Variants in NRG2 observed in about 807,000 individuals in gnomAD.
The protein encoded by NRG2 is pro-neuregulin-2, membrane-bound isoform.
A neutral mutation model predicts 73.9 loss-of-function variants in NRG2; 27 were observed. The ratio of observed to expected loss-of-function variants is 0.37; its 90% CI spans 0.27 to 0.50. The LOEUF (loss-of-function observed/expected upper bound fraction) is 0.50, where lower values mean the gene tolerates loss of function less well. NRG2 is among the 20% of genes least tolerant of loss of function. The pLI, the probability that NRG2 is intolerant of heterozygous loss-of-function variation, is 0.96. For synonymous variants in NRG2, 532 were observed against 541.0 expected (o/e 0.98, Z 0.23); for missense variants, 1,126 against 1,210.1 (o/e 0.93, Z 1.03).
intron 1 of NRG2, among the ~76,000 whole-genome samples, chr5:139,975,841 A>T (rs1439939112): frequency 6.6e-6 from 1 of 152,240 alleles, no homozygotes; most frequent in African/African-American, 2.4e-5. Context: ...GGTGCTTTCT[A>T]GATACTTGGG....
At chr5:139,963,084 C>T (rs1185239508) in intron 1 of NRG2, among the ~76,000 whole-genome samples, 3 of 152,184 alleles carry the variant, frequency 2.0e-5, no homozygotes, top group South Asian at 4.1e-4. Flanking sequence ...TGACATGGAA[C>T]ATATACTAGT....
intron 9 of NRG2, among the ~76,000 whole-genome samples, chr5:139,850,660 G>C (rs2126996417): frequency 6.6e-6 from 1 of 152,314 alleles, no homozygotes; most frequent in Admixed American, 6.5e-5. Flanking sequence ...ACTTGCTGAG[G>C]GCCACTCAGG....
intron 1 of NRG2, among the ~76,000 whole-genome samples, chr5:139,984,944 T>C (rs550459686): frequency 2.6e-5 from 4 of 152,224 alleles, no homozygotes; most frequent in Non-Finnish European, 5.9e-5. Flanking sequence ...ACCATACTCA[T>C]GCATATGTTC....
intron 1 of NRG2, among the ~76,000 whole-genome samples, chr5:140,007,897 C>T (rs2126637629): frequency 6.6e-6 from 1 of 152,292 alleles, no homozygotes; most frequent in South Asian, 2.1e-4. Flanking sequence ...AAACCAAGTC[C>T]CAGGGAAGCC....
chr5:139,880,806 C>A lies in NRG2; in HGVS notation c.991+50G>T, dbSNP rs547524767. On this transcript the variant is annotated intron_variant, in intron 3 of 9. Transcript: ENST00000361474. ...CCCAAGGGCTGGGGGGCCACTGGCC[C>A]GCCCTGCCAAACCCCTCTAGGACCC... The A allele has an allele frequency of 2.7e-6, 4 of 1,484,464 alleles. No individual in the cohort carries two copies. The Admixed American group carries it at 7.1e-5, about 26-fold the overall frequency. The allele number at this position is 1,484,464 out of a possible 1,614,324, so 92.0% of individuals were successfully genotyped here. A position where few individuals can be genotyped will look rare whatever the true frequency, so the allele number is the denominator to read the frequency against.
In NRG2 at chr5:139,853,431, A is replaced by G. The variant is rs919773468; in HGVS notation, c.1293-404T>C. On this transcript the variant is annotated intron_variant, in intron 6 of 9. Coordinates refer to ENST00000361474, the MANE Select transcript of NRG2 (RefSeq NM_004883.3). This position sits in a 1 kb window ranked among gnomAD's most constrained non-coding sequence, Gnocchi z 4.1. ...TCTCTCCCTCATTCATTAATTTGGT[A>G]TGTATTGAGTTATCACTATGTGCCA... Among the ~76,000 whole-genome samples the G allele has an allele frequency of 6.6e-6, 1 of 152,284 alleles. No homozygotes were observed. The highest frequency in any genetic ancestry group is 1.9e-4 in the East Asian group (1 of 5,186).
rs990842087 is a variant in NRG2, at chr5:140,014,250, T to A, written c.700+28120A>T. Among the ~76,000 whole-genome samples the A allele has an allele frequency of 3.3e-5, 5 of 152,290 alleles. No individual in the cohort carries two copies. In the East Asian group the frequency reaches 5.8e-4, roughly 18 times the overall value. On this transcript the variant is annotated intron_variant, in intron 1 of 9. Transcript: ENST00000361474. ...AAAGCTTGGATTTTTTTTTCCTTTTTTTCTGAGACAGAGTCTCGCTCTGTT... is the reference window on the plus strand; with the variant it reads ...AAAGCTTGGATTTTTTTTTCCTTTTATTCTGAGACAGAGTCTCGCTCTGTT...
intron 1 of NRG2, among the ~76,000 whole-genome samples, chr5:140,038,456 T>C (rs1019279612): frequency 2.0e-5 from 3 of 152,246 alleles, no homozygotes; most frequent in African/African-American, 7.2e-5. Context: ...AAGCACATTG[T>C]GGTTAAGTAC....
At chr5:139,944,665 G>A (rs1753671210) in intron 1 of NRG2, among the ~76,000 whole-genome samples, 1 of 152,116 alleles carries the variant, frequency 6.6e-6, no homozygotes, top group East Asian at 1.9e-4. Context: ...TCTATTGCTC[G>A]ACCCCTAGGT....
At chr5:140,004,332 T>G (rs563298339) in intron 1 of NRG2, among the ~76,000 whole-genome samples, 1 of 152,272 alleles carries the variant, frequency 6.6e-6, no homozygotes. Flanking sequence ...AAACAACTTT[T>G]GCAGATAAGA....
At position 140,042,857 on chromosome 5, in the gene NRG2, C is replaced by T; in HGVS notation, c.213G>A (p.Pro71=). 2 of 1,503,216 alleles carry T rather than the reference C, an allele frequency of 1.3e-6. No homozygotes were observed. Among genetic ancestry groups the T allele is most frequent in the Non-Finnish European group, 8.9e-7 (1 of 1,129,242 alleles). The allele number at this position is 1,503,216 out of a possible 1,614,324, so 93.1% of individuals were successfully genotyped here. ...APPEPRPQQQ[P]QPRSPAARRA... is the part of the protein sequence containing the mutation. ...TCCGGGCTGCGGGGCTGCGGGGCTG[C>T]GGCTGTTGCTGCGGCCGCGGCTCTG... is the stretch of plus-strand genomic sequence containing the variant. Residue 71 remains proline, a synonymous_variant, in exon 1 of 10, where the codon CCG becomes CCA. Transcript: ENST00000361474.
chr5:139,967,136 G>A (rs569633677), intron 1 of NRG2, among the ~76,000 whole-genome samples: 62 of 152,336 alleles, frequency 4.1e-4, no homozygotes, highest in Non-Finnish European at 4.4e-4. Context: ...GTCAACGGGA[G>A]TGGCTGGAAA....
intron 6 of NRG2, 111 bp downstream of exon 6, chr5:139,855,565 G>T (rs1451205899): frequency 1.8e-5 from 16 of 904,270 alleles, no homozygotes; most frequent in Non-Finnish European, 2.3e-5. Flanking sequence ...TGGGGCCTAG[G>T]AGGGTATAGA....
At chr5:139,878,594 T>C (rs1763331708) in intron 3 of NRG2, among the ~76,000 whole-genome samples, 1 of 152,234 alleles carries the variant, frequency 6.6e-6, no homozygotes, top group Non-Finnish European at 1.5e-5. Flanking sequence ...CTGTCATGCC[T>C]GGGGCCAGTT....
rs1008438874 is a variant in NRG2 at position 139,986,283 on chromosome 5, T to C, written c.700+56087A>G. Among the ~76,000 whole-genome samples the C allele has an allele frequency of 9.2e-5, 14 of 152,320 alleles. 1 individual carries two copies. In the East Asian group the frequency reaches 2.1e-3, roughly 23 times the overall value. On this transcript the variant is annotated intron_variant, in intron 1 of 9. Coordinates refer to ENST00000361474, the MANE Select transcript of NRG2 (RefSeq NM_004883.3). Reference sequence around the variant, plus strand: ...CACAGGCAAAACTTCAGCCTGTCTATGTGTCAGGCGTGGCCCCTGGGATAT... The same window carrying C: ...CACAGGCAAAACTTCAGCCTGTCTACGTGTCAGGCGTGGCCCCTGGGATAT...
rs1581911881 is a variant in NRG2, at chr5:139,904,751, T to C, written c.701-17240A>G. Reference sequence around the variant, plus strand: ...CTGAGCATGATTGGGGAGGGCGGAGTAGAGATCCCCCAGCGAGGGCCAGGC... The same window carrying C: ...CTGAGCATGATTGGGGAGGGCGGAGCAGAGATCCCCCAGCGAGGGCCAGGC... On this transcript the variant is annotated intron_variant, in intron 1 of 9. Coordinates refer to ENST00000361474, the MANE Select transcript of NRG2 (RefSeq NM_004883.3). The surrounding 1 kb of genome is among the most constrained non-coding windows in gnomAD (Gnocchi z 6.0). Among the ~76,000 whole-genome samples, 1 of 149,896 alleles carries C rather than the reference T, an allele frequency of 6.7e-6. No individual in the cohort carries two copies. Among genetic ancestry groups the C allele is most frequent in the African/African-American group, 2.5e-5 (1 of 40,502 alleles).
intron 3 of NRG2, among the ~76,000 whole-genome samples, chr5:139,872,858 G>A (rs187275645): frequency 4.6e-4 from 70 of 152,260 alleles, no homozygotes; most frequent in African/African-American, 1.6e-3. Context: ...CATCCAATCC[G>A]GACTGGACAG....
chr5:139,921,247 C>T (rs914952249), intron 1 of NRG2, among the ~76,000 whole-genome samples: 17 of 152,242 alleles, frequency 1.1e-4, no homozygotes, highest in Admixed American at 7.8e-4. Flanking sequence ...TATCAATAAA[C>T]GTATTCTAAA....
In NRG2 at chr5:140,030,656, A is replaced by G. The variant is rs1371181867; in HGVS notation, c.700+11714T>C. ...AAACAAATACGGAAAGCTCACTTCCAATCTGGGAGCCACCCATGTGCCTCC... is the reference window on the plus strand; with the variant it reads ...AAACAAATACGGAAAGCTCACTTCCGATCTGGGAGCCACCCATGTGCCTCC... On this transcript the variant is annotated intron_variant, in intron 1 of 9. Coordinates refer to ENST00000361474, the MANE Select transcript of NRG2 (RefSeq NM_004883.3). Among the ~76,000 whole-genome samples the G allele has an allele frequency of 2.0e-5, 3 of 152,268 alleles. No homozygotes were observed. The South Asian group carries it at 6.2e-4, about 32-fold the overall frequency.
Sources: allele counts gnomAD v4.1 joint callset (sites outside exome capture counted in the v4.1 genomes callset), GRCh38; gene constraint gnomAD v4.1.1; non-coding constraint Gnocchi (gnomAD v3.1); transcripts MANE v1.5; gene names NCBI Gene and HGNC (gene_info 2026-07-23, HGNC 2026-07-21).